Variants in ANKFN1 observed in about 807,000 individuals in gnomAD.
ANKFN1 encodes the protein ankyrin repeat and fibronectin type-III domain-containing protein 1.
ANKFN1 carries 74 observed loss-of-function variants against 108.7 expected under a neutral mutation model. The ratio of observed to expected loss-of-function variants is 0.68; its 90% CI spans 0.56 to 0.83. The LOEUF is 0.83. ANKFN1 is among the 40% of genes least tolerant of loss of function. The pLI, the probability that ANKFN1 is intolerant of heterozygous loss-of-function variation, is 0.00. For missense variants in ANKFN1, 1,505 were observed against 1,382.3 expected, an observed-to-expected ratio of 1.09 and a Z score of -1.41; for synonymous variants, 547 against 516.2, an observed-to-expected ratio of 1.06 and a Z score of -0.81.
intron 4 of ANKFN1, among the ~76,000 whole-genome samples, chr17:56,108,725 G>A (rs1221428980): frequency 6.6e-6 from 1 of 152,204 alleles, no homozygotes; most frequent in Non-Finnish European, 1.5e-5. Flanking sequence ...TATCTCCAAA[G>A]TACTAGAATT....
intron 4 of ANKFN1, among the ~76,000 whole-genome samples, chr17:56,135,858 T>G (rs1907571775): frequency 2.0e-5 from 3 of 152,136 alleles, no homozygotes; most frequent in Admixed American, 1.3e-4. Context: ...AGTAAAAAAC[T>G]AATCCAGGAA....
rs780661607 is a variant in ANKFN1 at position 56,482,487 on chromosome 17, A to G, written c.2223A>G (p.Ser741=). 4 of 1,613,150 alleles carry G rather than the reference A, an allele frequency of 2.5e-6. No individual in the cohort carries two copies. Among genetic ancestry groups the G allele is most frequent in the Non-Finnish European group, 3.4e-6 (4 of 1,179,514 alleles). The change falls in exon 18 of 21, where the codon TCA becomes TCG. Residue 741 remains serine, a synonymous_variant. Coordinates refer to ENST00000682825, the MANE Select transcript of ANKFN1 (RefSeq NM_001370326.1). The part of the protein sequence containing the change: ...PGQNNPYTPH[S]GFLNLPLQMF... ...AGAATAATCCTTACACCCCACACTC[A>G]GGGTTTCTTAACCTCCCTCTTCAGA... is the stretch of plus-strand genomic sequence containing the variant.
chr17:56,327,931 G>C (rs1248350746), intron 4 of ANKFN1, among the ~76,000 whole-genome samples: 4 of 152,294 alleles, frequency 2.6e-5, no homozygotes, highest in Middle Eastern at 3.4e-3. Flanking sequence ...TTTATGTGAG[G>C]ATGAGGGGAT....
chr17:56,383,187 A>G (rs1654234526), intron 8 of ANKFN1, among the ~76,000 whole-genome samples: 3 of 152,158 alleles, frequency 2.0e-5, no homozygotes, highest in South Asian at 2.1e-4. Context: ...ACTCAAAACC[A>G]GACAACTACA....
At chr17:56,198,761 G>T (rs1007058964) in intron 1 of ANKFN1, among the ~76,000 whole-genome samples, 3 of 152,066 alleles carry the variant, frequency 2.0e-5, no homozygotes, top group Admixed American at 6.6e-5. Flanking sequence ...CCCATGTTGT[G>T]TAAGGAGATG....
At chr17:56,340,487 G>A (rs2045932429) in intron 4 of ANKFN1, among the ~76,000 whole-genome samples, 1 of 151,986 alleles carries the variant, frequency 6.6e-6, no homozygotes, top group Non-Finnish European at 1.5e-5. Flanking sequence ...TTTTATATAT[G>A]ATGTAAGGAA....
At chr17:56,482,206 A>G (rs2050730556) in intron 17 of ANKFN1, 150 bp from the exon 18 acceptor site, 1 of 637,434 alleles carries the variant, frequency 1.6e-6, no homozygotes, top group Non-Finnish European at 2.6e-6. Context: ...AGCATTATTA[A>G]ATGGGCTGAA....
intron 3 of ANKFN1, among the ~76,000 whole-genome samples, chr17:56,292,672 C>G (rs2044395087): frequency 6.6e-6 from 1 of 152,064 alleles, no homozygotes; most frequent in South Asian, 2.1e-4. Flanking sequence ...CCTTAAGCAA[C>G]TGGGAAGTGA....
chr17:56,448,119 A>G (rs777872816), intron 10 of ANKFN1, among the ~76,000 whole-genome samples: 1 of 152,210 alleles, frequency 6.6e-6, no homozygotes, highest in Non-Finnish European at 1.5e-5. Context: ...TCATGAACTA[A>G]CTGGCTTTTC....
intron 4 of ANKFN1, among the ~76,000 whole-genome samples, chr17:56,058,595 C>T (rs1458950309): frequency 2.7e-5 from 4 of 146,630 alleles, no homozygotes; most frequent in Non-Finnish European, 4.5e-5. Flanking sequence ...TTGCCCCCTA[C>T]CCCCCAAAAG....
At chr17:56,478,956 G>C (rs539483516) in intron 16 of ANKFN1, among the ~76,000 whole-genome samples, 1 of 152,178 alleles carries the variant, frequency 6.6e-6, no homozygotes, top group Admixed American at 6.5e-5. Context: ...AAATGATGAT[G>C]AGGAGGAGGA....
intron 19 of ANKFN1, among the ~76,000 whole-genome samples, chr17:56,496,639 G>T (rs1824423398): frequency 6.6e-6 from 1 of 152,024 alleles, no homozygotes; most frequent in South Asian, 2.1e-4. Context: ...ACTCTTATAA[G>T]AATGTCCTTA....
chr17:56,339,247 T>C (rs1158531004), intron 4 of ANKFN1, among the ~76,000 whole-genome samples: 2 of 152,094 alleles, frequency 1.3e-5, no homozygotes, highest in Non-Finnish European at 2.9e-5. Flanking sequence ...AAGTTTATGC[T>C]CTCTTTATAT....
At chr17:56,404,883 A>G (rs1236353030) in intron 8 of ANKFN1, among the ~76,000 whole-genome samples, 4 of 152,176 alleles carry the variant, frequency 2.6e-5, no homozygotes, top group Non-Finnish European at 5.9e-5. Flanking sequence ...CCCTTTTCCT[A>G]TGGATGTGGC....
chr17:56,482,383 G>C lies in ANKFN1; in HGVS notation c.2119G>C (p.Glu707Gln). Residue 707 changes from glutamate to glutamine, a missense_variant, in exon 18 of 21, where the codon GAG becomes CAG. Physicochemically the swap from Glu to Gln is conservative, Grantham distance 29. Coordinates refer to ENST00000682825, the MANE Select transcript of ANKFN1 (RefSeq NM_001370326.1). Reference protein sequence around the residue: ...QARNFRLYTQEVLEMGHNVSF... With the variant: ...QARNFRLYTQQVLEMGHNVSF... ...AAGGAACTTCCGCCTCTACACACAG[G>C]AGGTGTTGGAAATGGGTCACAATGT... The C allele has an allele frequency of 6.2e-7, 1 of 1,611,398 alleles. No homozygotes were observed. The highest frequency in any genetic ancestry group is 8.5e-7 in the Non-Finnish European group (1 of 1,178,648).
intron 8 of ANKFN1, among the ~76,000 whole-genome samples, chr17:56,403,363 A>G (rs1027232923): frequency 5.9e-5 from 9 of 152,102 alleles, no homozygotes; most frequent in Non-Finnish European, 1.3e-4. Context: ...TAATTGTTTT[A>G]TAAATTTTAG....
At chr17:56,460,944 A>G (rs1169606590) in intron 14 of ANKFN1, among the ~76,000 whole-genome samples, 1 of 152,188 alleles carries the variant, frequency 6.6e-6, no homozygotes, top group Non-Finnish European at 1.5e-5. Flanking sequence ...TTTTGCTACC[A>G]TGATGCATAC....
chr17:56,413,746 G>T (rs1405354926), intron 8 of ANKFN1, among the ~76,000 whole-genome samples: 1 of 151,830 alleles, frequency 6.6e-6, no homozygotes, highest in Non-Finnish European at 1.5e-5. Flanking sequence ...TTGAGATGGA[G>T]TCTTGCTCTG....
intron 8 of ANKFN1, among the ~76,000 whole-genome samples, chr17:56,418,164 G>A (rs900254983): frequency 1.3e-5 from 2 of 152,090 alleles, no homozygotes; most frequent in African/African-American, 4.8e-5. Context: ...ATTTCCTGAT[G>A]TTTTGTTCTT....
Sources: gnomAD v4.1 joint callset for allele counts (sites outside exome capture counted in the v4.1 genomes callset) on GRCh38, gnomAD v4.1.1 for gene constraint, MANE v1.5 for transcripts, NCBI Gene and HGNC (gene_info 2026-07-23, HGNC 2026-07-21) for gene names.